The following PRRC2B variants were observed in gnomAD, a reference collection of about 807,000 sequenced individuals.
PRRC2B encodes the protein proline rich coiled-coil 2B.
PRRC2B carries 68 observed loss-of-function variants against 242.3 expected under a neutral mutation model. The observed-to-expected ratio is 0.28, with a 90% CI of 0.23 to 0.34. PRRC2B has a LOEUF of 0.34. Ranked by LOEUF, PRRC2B falls within the 10% of genes least tolerant of loss-of-function variation. The pLI is 1.00. For missense variants in PRRC2B, 2,835 were observed against 2,954.8 expected (o/e 0.96, Z 0.94); for synonymous variants, 1,228 against 1,173.6 (o/e 1.05, Z -0.95).
chr9:131,492,081 C>G, intron 29 of PRRC2B, 88 bp from the exon 30 acceptor site: 2 of 1,027,780 alleles, frequency 1.9e-6, no homozygotes, highest in Non-Finnish European at 3.0e-6. Context: ...TGGCCCTCAC[C>G]ACCTCTGCCC....
At chr9:131,493,818 TGA>T (rs899952168) in intron 30 of PRRC2B, among the ~76,000 whole-genome samples, 1 of 151,712 alleles carries the variant, frequency 6.6e-6, no homozygotes, top group African/African-American at 2.4e-5. Flanking sequence ...GGGCCTAGGT[TGA>T]GAGTCCTGTT....
chr9:131,447,568 A>C (rs977157582), intron 8 of PRRC2B, 94 bp from the exon 9 acceptor site: 1 of 1,203,124 alleles, frequency 8.3e-7, no homozygotes, highest in Admixed American at 2.9e-5. Flanking sequence ...ATCAAACATG[A>C]ACCTTTGCAG....
intron 13 of PRRC2B, among the ~76,000 whole-genome samples, chr9:131,469,949 G>A (rs931709536): frequency 6.6e-6 from 1 of 152,184 alleles, no homozygotes; most frequent in Non-Finnish European, 1.5e-5. Flanking sequence ...GTGCAACAAA[G>A]GAGCACTGGC....
Position 131,461,036 on chromosome 9 carries a change from T to C in PRRC2B, c.1404+1680T>C, listed in dbSNP as rs550880766. Among the ~76,000 whole-genome samples, 89 of 152,350 alleles carry C rather than the reference T, an allele frequency of 5.8e-4. 1 individual carries two copies. The South Asian group carries it at 0.018, about 31-fold the overall frequency. ...GTCCATATTGGAAACTGTGTTCTCA[T>C]TGATACCTCCAGTTCCACAGACTTT... On this transcript the variant is annotated intron_variant, in intron 11 of 31. Coordinates refer to ENST00000683519, the MANE Select transcript of PRRC2B (RefSeq NM_013318.4).
chr9:131,492,631 C>T (rs981720366), intron 30 of PRRC2B, among the ~76,000 whole-genome samples: 1 of 152,206 alleles, frequency 6.6e-6, no homozygotes, highest in African/African-American at 2.4e-5. Flanking sequence ...AGGGGAGGAG[C>T]GTGGCCTTTC....
intron 9 of PRRC2B, among the ~76,000 whole-genome samples, chr9:131,451,644 T>A (rs879367452): frequency 0.01 from 1,526 of 152,310 alleles, 24 homozygotes; most frequent in Non-Finnish European, 0.013. Flanking sequence ...AAGTTCTTTC[T>A]GGTCTGAGGA....
intron 1 of PRRC2B, among the ~76,000 whole-genome samples, chr9:131,410,993 G>C (rs1281581292): frequency 6.6e-6 from 1 of 151,698 alleles, no homozygotes; most frequent in Non-Finnish European, 1.5e-5. Context: ...GTTTTCTTAC[G>C]GCCAGTAATC....
chr9:131,465,261 ACTT>A (rs984672059), intron 12 of PRRC2B, among the ~76,000 whole-genome samples, 183 bp downstream of exon 12: 9 of 151,948 alleles, frequency 5.9e-5, no homozygotes, highest in Non-Finnish European at 1.0e-4. Context: ...TCCTATTTGA[ACTT>A]CTTTTTTATA....
Position 131,475,709 on chromosome 9 carries a change from A to G in PRRC2B, c.3580A>G (p.Lys1194Glu). The G allele has an allele frequency of 6.2e-7, 1 of 1,613,150 alleles. No individual in the cohort carries two copies. Among genetic ancestry groups the G allele is most frequent in the Non-Finnish European group, 8.5e-7 (1 of 1,179,684 alleles). The change falls in exon 16 of 32, where the codon AAG (lysine) becomes GAG (glutamate). Residue 1194 changes from lysine to glutamate, a missense_variant. Physicochemically the swap from Lys to Glu is moderately conservative, Grantham distance 56 (BLOSUM62 1). Coordinates refer to ENST00000683519, the MANE Select transcript of PRRC2B (RefSeq NM_013318.4). Reference protein sequence around the residue: ...CSEDHSGLDAKSRGPRAFGRA... With the variant: ...CSEDHSGLDAESRGPRAFGRA... ...TGAGGACCACAGCGGTCTAGATGCC[A>G]AGAGCCGAGGCCCTCGGGCCTTTGG... is the stretch of plus-strand genomic sequence containing the variant.
intron 19 of PRRC2B, among the ~76,000 whole-genome samples, chr9:131,480,213 A>ATATGACAAGGTCATAGGACATAGG (rs1943818178): frequency 6.6e-6 from 1 of 152,236 alleles, no homozygotes; most frequent in Non-Finnish European, 1.5e-5. Context: ...TAGGACAAGC[A>ATATGACAAGGTCATAGGACATAGG]CCCGAGACAC....
chr9:131,384,083 A>ATTTTT (rs111724850), intron 1 of PRRC2B, among the ~76,000 whole-genome samples: 1 of 58,988 alleles, frequency 1.7e-5, no homozygotes, highest in African/African-American at 6.0e-5. Flanking sequence ...ATACCCGGCT[A>ATTTTT]TTTTTTTTTT....
intron 1 of PRRC2B, among the ~76,000 whole-genome samples, chr9:131,380,734 T>C (rs534844711): frequency 6.6e-6 from 1 of 150,988 alleles, no homozygotes; most frequent in East Asian, 2.0e-4. Context: ...AAAAATTAGC[T>C]GGGCATGGTA....
chr9:131,384,078 C>A (rs570979215), intron 1 of PRRC2B, among the ~76,000 whole-genome samples: 1 of 140,396 alleles, frequency 7.1e-6, no homozygotes, highest in African/African-American at 2.6e-5. Flanking sequence ...CCACCATACC[C>A]GGCTATTTTT....
Position 131,427,431 on chromosome 9 carries a change from C to T in PRRC2B, c.-51-2663C>T, listed in dbSNP as rs145352197. Among the ~76,000 whole-genome samples the T allele has an allele frequency of 6.2e-3, 946 of 151,992 alleles. 17 individuals carry two copies. Among genetic ancestry groups the T allele is most frequent in the African/African-American group, 0.022 (903 of 41,450 alleles). ...CTGCAAGCTCTGCTTCCCGGGTTCACGCCATTCTCCTGCCTCAGCCTCACG... is the reference window on the plus strand; with the variant it reads ...CTGCAAGCTCTGCTTCCCGGGTTCATGCCATTCTCCTGCCTCAGCCTCACG... On this transcript the variant is annotated intron_variant, in intron 1 of 31. Coordinates refer to ENST00000683519, the MANE Select transcript of PRRC2B (RefSeq NM_013318.4).
upstream of PRRC2B, among the ~76,000 whole-genome samples, chr9:131,393,866 C>G (rs1309377557): frequency 1.3e-5 from 2 of 151,122 alleles, no homozygotes; most frequent in Admixed American, 6.6e-5. Context: ...CTCCCCACTC[C>G]CAGCCCCCTC....
chr9:131,447,307 AC>A, intron 8 of PRRC2B, 101 bp downstream of exon 8: 1 of 1,433,788 alleles, frequency 7.0e-7, no homozygotes. Context: ...TCTCCTGGAG[AC>A]CACAGAGAAC....
rs1249650522 is a variant in PRRC2B at position 131,430,111 on chromosome 9, G to A, written c.-34G>A. The A allele has an allele frequency of 7.6e-7, 1 of 1,318,910 alleles. No homozygotes were observed. Among genetic ancestry groups the A allele is most frequent in the South Asian group, 1.3e-5 (1 of 78,382 alleles). 81.7% of individuals were successfully genotyped at this position (1,318,910 alleles called of 1,614,324 possible). ...AAAGGCAGATCGGGAGCGGTGCCGA[G>A]AAAAATTTCCTTACTAGATGACATT... On this transcript the variant is annotated 5_prime_UTR_variant, in exon 2 of 32. Transcript: ENST00000683519.
chr9:131,437,693 C>G (rs1344226889), intron 4 of PRRC2B, among the ~76,000 whole-genome samples: 2 of 152,256 alleles, frequency 1.3e-5, no homozygotes, highest in Non-Finnish European at 2.9e-5. Flanking sequence ...CCACCTAACA[C>G]TGAACCGTGC....
intron 1 of PRRC2B, among the ~76,000 whole-genome samples, chr9:131,383,659 T>C (rs1836790767): frequency 6.8e-6 from 1 of 146,134 alleles, no homozygotes; most frequent in Non-Finnish European, 1.5e-5. Flanking sequence ...TGGAGTGCAG[T>C]GGCCCAGGAT....
Sources: gnomAD v4.1 joint callset for allele counts (sites outside exome capture counted in the v4.1 genomes callset) on GRCh38, gnomAD v4.1.1 for gene constraint, MANE v1.5 for transcripts, NCBI Gene and HGNC (gene_info 2026-07-23, HGNC 2026-07-21) for gene names.